Variants in PPP1R35 observed in about 807,000 individuals in gnomAD.
The protein encoded by PPP1R35 is protein phosphatase 1 regulatory subunit 35.
PPP1R35 carries 23 observed loss-of-function variants against 22.2 expected under a neutral mutation model. That is an observed-to-expected ratio of 1.04 (90% CI 0.75 to 1.47). The LOEUF (loss-of-function observed/expected upper bound fraction) is 1.47, where lower values mean the gene tolerates loss of function less well. Among genes scored for constraint, PPP1R35 ranks in the 40% most tolerant of loss-of-function variants. The probability of loss-of-function intolerance (pLI) is 0.00; values close to 1 mark genes in which losing one functional copy is unlikely to be tolerated. For synonymous variants in PPP1R35, 198 were observed against 165.7 expected, an observed-to-expected ratio of 1.19 and a Z score of -1.50; for missense variants, 409 against 349.6, an observed-to-expected ratio of 1.17 and a Z score of -1.36.
rs1798897363 is a variant in PPP1R35, at chr7:100,436,436, A to G, written c.-62T>C. ...TCGCAGACGCTCCAACGGTCAGGGG[A>G]CACAGCCTGGCTGCCGCCTCCTTTC... On this transcript the variant is annotated 5_prime_UTR_variant, in exon 1 of 4. Coordinates refer to ENST00000292330, the MANE Select transcript of PPP1R35 (RefSeq NM_145030.4). 1 of 1,259,696 alleles carries G rather than the reference A, an allele frequency of 7.9e-7. No individual in the cohort carries two copies. The highest frequency in any genetic ancestry group is 1.1e-6 in the Non-Finnish European group (1 of 940,952). The allele number at this position is 1,259,696 out of a possible 1,614,324, so 78.0% of individuals were successfully genotyped here.
Position 100,435,666 on chromosome 7 carries a change from G to GA in PPP1R35, c.552dup (p.Leu185SerfsTer26). The GA allele has an allele frequency of 6.2e-7, 1 of 1,611,416 alleles. No homozygotes were observed. Among genetic ancestry groups the GA allele is most frequent in the Non-Finnish European group, 8.5e-7 (1 of 1,179,356 alleles). ...GGGGCTCGAGCCTGTGGCGGCAGGA[G>GA]AGCCAATTTCTCCCTGAGCGCGGCA... is the stretch of plus-strand genomic sequence containing the variant. On this transcript the variant is annotated frameshift_variant, in exon 3 of 4. Coordinates refer to ENST00000292330, the MANE Select transcript of PPP1R35 (RefSeq NM_145030.4). LOFTEE classifies it high-confidence loss of function.
Position 100,436,224 on chromosome 7 carries a change from C to T in PPP1R35, c.151G>A (p.Asp51Asn), listed in dbSNP as rs771520399. The T allele has an allele frequency of 4.7e-6, 6 of 1,268,282 alleles. No homozygotes were observed. Among genetic ancestry groups the T allele is most frequent in the Middle Eastern group, 2.2e-4 (1 of 4,518 alleles). The allele number at this position is 1,268,282 out of a possible 1,614,324, so 78.6% of individuals were successfully genotyped here. A position where few individuals can be genotyped will look rare whatever the true frequency, so the allele number is the denominator to read the frequency against. Residue 51 changes from aspartate (D) to asparagine (N), a missense_variant, in exon 1 of 4, where the codon GAC (aspartate) becomes AAC (asparagine). Physicochemically the swap from Asp to Asn is conservative, Grantham distance 23 (BLOSUM62 1). Transcript: ENST00000292330. ...CTGCCGTGCCGCGGCTGAGGGCTGT[C>T]GGGCCGCGGGCTCAGGCTCAAGTCC... is the stretch of plus-strand genomic sequence containing the variant. ...GLDLSLSPRPDSPQPRHGSPG... is the reference protein window; with the variant it reads ...GLDLSLSPRPNSPQPRHGSPG...
intron 1 of PPP1R35, 34 bp downstream of exon 1, chr7:100,436,107 C>A: frequency 2.8e-6 from 4 of 1,426,754 alleles, no homozygotes; most frequent in South Asian, 1.4e-5. Context: ...GGCGCGAGGC[C>A]GTCGCGGGCC....
chr7:100,435,885 G>T lies in PPP1R35; in HGVS notation c.414C>A (p.Phe138Leu). The T allele has an allele frequency of 6.3e-7, 1 of 1,599,326 alleles. No homozygotes were observed. Residue 138 changes from phenylalanine to leucine, a missense_variant, in exon 2 of 4, where the codon TTC becomes TTA. By Grantham distance (22) the Phe-to-Leu change is conservative (BLOSUM62 0). Coordinates refer to ENST00000292330, the MANE Select transcript of PPP1R35 (RefSeq NM_145030.4). ...KAVEEQLRKSFQIRCGLEESV... is the reference protein window; with the variant it reads ...KAVEEQLRKSLQIRCGLEESV... Reference sequence around the variant, plus strand: ...TCTCCTCCAGGCCGCAGCGGATCTGGAACGACTTTCTCAGCTGTTCCTCCA... The same window carrying T: ...TCTCCTCCAGGCCGCAGCGGATCTGTAACGACTTTCTCAGCTGTTCCTCCA...
chr7:100,435,989 G>A lies in PPP1R35; in HGVS notation c.310C>T (p.Pro104Ser). The A allele has an allele frequency of 6.4e-7, 1 of 1,563,816 alleles. No homozygotes were observed. The highest frequency in any genetic ancestry group is 8.6e-7 in the Non-Finnish European group (1 of 1,161,102). The change falls in exon 2 of 4, where the codon CCC becomes TCC. Residue 104 changes from proline to serine, a missense_variant. Pro to Ser is a moderately conservative substitution (Grantham distance 74). Transcript: ENST00000292330. ...QPAVPQELEMPVLKSSLALGL... is the reference protein window; with the variant it reads ...QPAVPQELEMSVLKSSLALGL... ...AAGGCCAGGCTGCTCTTCAGCACGG[G>A]CATCTCCAGCTCCTGCGGCACCGCA...
chr7:100,436,391 AG>A lies in PPP1R35; in HGVS notation c.-18del. 6.7e-7 allele frequency: 1 copy of A among 1,491,900 alleles called. No homozygotes were observed. The allele number at this position is 1,491,900 out of a possible 1,614,324, so 92.4% of individuals were successfully genotyped here. On this transcript the variant is annotated 5_prime_UTR_variant, in exon 1 of 4. Coordinates refer to ENST00000292330, the MANE Select transcript of PPP1R35 (RefSeq NM_145030.4). ...CATCATCATCTTTGGAGGTGCCTTG[AG>A]GGTGCGGGGATGCGGGGGTCGCAGA...
Position 100,435,420 on chromosome 7 carries a change from C to A in PPP1R35, c.702G>T (p.Arg234=). 1.2e-6 allele frequency: 2 copies of A among 1,612,528 alleles called. No individual in the cohort carries two copies. The highest frequency in any genetic ancestry group is 1.7e-5 in the Admixed American group (1 of 59,256). Residue 234 remains arginine, a synonymous_variant, in exon 4 of 4, where the codon CGG becomes CGT. Transcript: ENST00000292330. ...DGLPPLRLQL[R]PRPSEDTFLM... ...GGAAGGTGTCCTCTGAAGGGCGGGGCCGGAGTTGAAGTCGGAGAGGGGGCA... is the reference window on the plus strand; with the variant it reads ...GGAAGGTGTCCTCTGAAGGGCGGGGACGGAGTTGAAGTCGGAGAGGGGGCA...
At position 100,436,081 on chromosome 7, in the gene PPP1R35, G is replaced by C. The variant is rs748606746; in HGVS notation, c.235-17C>G. 1.3e-5 allele frequency: 20 copies of C among 1,524,400 alleles called. No individual in the cohort carries two copies. Among genetic ancestry groups the C allele is most frequent in the Non-Finnish European group, 1.8e-5 (20 of 1,142,630 alleles). 94.4% of individuals were successfully genotyped at this position (1,524,400 alleles called of 1,614,324 possible). ...GAAGCGGACCTGGGAGCAGAGGGCA[G>C]GGCAGTGACCAGGTGGGCGCGAGGC... On this transcript the variant is annotated splice_polypyrimidine_tract_variant and intron_variant, in intron 1 of 3. Transcript: ENST00000292330.
In PPP1R35 at chr7:100,435,973, C is replaced by A. The variant is rs752588580; in HGVS notation, c.326G>T (p.Ser109Ile). The A allele has an allele frequency of 1.3e-6, 2 of 1,576,458 alleles. No homozygotes were observed. Among genetic ancestry groups the A allele is most frequent in the South Asian group, 2.3e-5 (2 of 87,736 alleles). The part of the protein sequence containing the change: ...QELEMPVLKS[S>I]LALGLELRAA... ...CCGCAGCTCCAGGCCCAAGGCCAGG[C>A]TGCTCTTCAGCACGGGCATCTCCAG... The change falls in exon 2 of 4, where the codon AGC (serine) becomes ATC (isoleucine). Residue 109 changes from serine to isoleucine, a missense_variant. Ser to Ile is a moderately radical substitution (Grantham distance 142, BLOSUM62 -2). Transcript: ENST00000292330.
At position 100,436,468 on chromosome 7, in the gene PPP1R35, C is replaced by A; in HGVS notation, c.-94G>T. ...CTGGCTGCCGCCTCCTTTCCCCCGC[C>A]CCTCCTAGACGCCGCTACCGGAAAC... On this transcript the variant is annotated 5_prime_UTR_variant, in exon 1 of 4. Coordinates refer to ENST00000292330, the MANE Select transcript of PPP1R35 (RefSeq NM_145030.4). The A allele has an allele frequency of 2.2e-6, 2 of 904,966 alleles. No homozygotes were observed. The highest frequency in any genetic ancestry group is 3.1e-6 in the Non-Finnish European group (2 of 638,216). The allele number at this position is 904,966 out of a possible 1,614,324, so 56.1% of individuals were successfully genotyped here.
At position 100,436,042 on chromosome 7, in the gene PPP1R35, G is replaced by A; in HGVS notation, c.257C>T (p.Pro86Leu). The A allele has an allele frequency of 1.3e-6, 2 of 1,537,120 alleles. No homozygotes were observed. The highest frequency in any genetic ancestry group is 1.7e-6 in the Non-Finnish European group (2 of 1,147,718). ...RRQVRFRLTP[P>L]SPVRSEPQPA... ...CTGCGGCTCGGACCGCACCGGGGAG[G>A]GCGGCGTCAGGCGGAAGCGGACCTG... The change falls in exon 2 of 4, where the codon CCC becomes CTC. Residue 86 changes from proline (P) to leucine (L), a missense_variant. By Grantham distance (98) the Pro-to-Leu change is moderately conservative. Coordinates refer to ENST00000292330, the MANE Select transcript of PPP1R35 (RefSeq NM_145030.4).
chr7:100,435,289 G>A lies in PPP1R35; in HGVS notation c.*71C>T. 6.7e-7 allele frequency: 1 copy of A among 1,495,230 alleles called. No homozygotes were observed. The highest frequency in any genetic ancestry group is 2.3e-5 in the East Asian group (1 of 43,066). The allele number at this position is 1,495,230 out of a possible 1,614,324, so 92.6% of individuals were successfully genotyped here. On this transcript the variant is annotated 3_prime_UTR_variant, in exon 4 of 4. Transcript: ENST00000292330. ...CCTCCAAGAAGAGTCCCATTTATTA[G>A]CAAAATTACTTTATTCTAACAAATA...
In PPP1R35 at chr7:100,435,386, G is replaced by C. The variant is rs756725467; in HGVS notation, c.736C>G (p.Arg246Gly). The change falls in exon 4 of 4, where the codon CGG becomes GGG. Residue 246 changes from arginine to glycine, a missense_variant. Physicochemically the swap from Arg to Gly is moderately radical, Grantham distance 125. Transcript: ENST00000292330. ...TACGCTTCCCATCGCCTCAGTGTCC[G>C]GTGCATGAGGAAGGTGTCCTCTGAA... is the stretch of plus-strand genomic sequence containing the variant. The part of the protein sequence containing the change: ...RPSEDTFLMH[R>G]TLRRWEA 1.2e-6 allele frequency: 2 copies of C among 1,606,608 alleles called. No homozygotes were observed. The highest frequency in any genetic ancestry group is 1.1e-5 in the South Asian group (1 of 90,342).
rs1798874124 is a variant in PPP1R35 at position 100,436,011 on chromosome 7, C to T, written c.288G>A (p.Ala96=). 6.4e-7 allele frequency: 1 copy of T among 1,551,126 alleles called. No individual in the cohort carries two copies. Among genetic ancestry groups the T allele is most frequent in the Non-Finnish European group, 8.7e-7 (1 of 1,154,572 alleles). The change falls in exon 2 of 4, where the codon GCG becomes GCA. Residue 96 remains alanine, a synonymous_variant. Transcript: ENST00000292330. ...CGGGCATCTCCAGCTCCTGCGGCAC[C>T]GCAGGCTGCGGCTCGGACCGCACCG... The part of the protein sequence containing the change: ...PSPVRSEPQP[A]VPQELEMPVL...
In PPP1R35 at chr7:100,435,442, G is replaced by A. The variant is rs1798843171; in HGVS notation, c.680C>T (p.Pro227Leu). Residue 227 changes from proline (P) to leucine (L), a missense_variant, in exon 4 of 4, where the codon CCC (proline) becomes CTC (leucine). Physicochemically the swap from Pro to Leu is moderately conservative, Grantham distance 98 (BLOSUM62 -3). Coordinates refer to ENST00000292330, the MANE Select transcript of PPP1R35 (RefSeq NM_145030.4). The stretch of plus-strand genomic sequence containing the variant: ...GGGCCGGAGTTGAAGTCGGAGAGGG[G>A]GCAGACCGTCCAGGGTCAGGTGTGG... ...ESPHLTLDGL[P>L]PLRLQLRPRP... 2 of 1,613,376 alleles carry A rather than the reference G, an allele frequency of 1.2e-6. No individual in the cohort carries two copies. The highest frequency in any genetic ancestry group is 1.3e-5 in the African/African-American group (1 of 74,976).
Position 100,435,828 on chromosome 7 carries a change from C to A in PPP1R35, c.451+20G>T. ...CCTCACCCCGACTCCCGCACGCGGC[C>A]GGCCGCCCGCCCCCCTCACCCTCGG... On this transcript the variant is annotated intron_variant, in intron 2 of 3. Coordinates refer to ENST00000292330, the MANE Select transcript of PPP1R35 (RefSeq NM_145030.4). 1 of 1,575,718 alleles carries A rather than the reference C, an allele frequency of 6.3e-7. No individual in the cohort carries two copies. Among genetic ancestry groups the A allele is most frequent in the South Asian group, 1.1e-5 (1 of 88,040 alleles).
rs775414262 is a variant in PPP1R35 at position 100,436,225 on chromosome 7, G to A, written c.150C>T (p.Pro50=). 92 of 1,269,940 alleles carry A rather than the reference G, an allele frequency of 7.2e-5. No individual in the cohort carries two copies. The African/African-American group carries it at 1.1e-3, about 15-fold the overall frequency. The allele number at this position is 1,269,940 out of a possible 1,614,324, so 78.7% of individuals were successfully genotyped here. ...TGCCGTGCCGCGGCTGAGGGCTGTC[G>A]GGCCGCGGGCTCAGGCTCAAGTCCA... ...PGLDLSLSPR[P]DSPQPRHGSP... The change falls in exon 1 of 4, where the codon CCC becomes CCT. Residue 50 remains proline (P), a synonymous_variant. Coordinates refer to ENST00000292330, the MANE Select transcript of PPP1R35 (RefSeq NM_145030.4).
At position 100,435,380 on chromosome 7, in the gene PPP1R35, G is replaced by C; in HGVS notation, c.742C>G (p.Leu248Val). 1 of 1,604,428 alleles carries C rather than the reference G, an allele frequency of 6.2e-7. No homozygotes were observed. The highest frequency in any genetic ancestry group is 1.1e-5 in the South Asian group (1 of 89,998). Residue 248 changes from leucine to valine, a missense_variant, in exon 4 of 4, where the codon CTG becomes GTG. Coordinates refer to ENST00000292330, the MANE Select transcript of PPP1R35 (RefSeq NM_145030.4). ...SEDTFLMHRT[L>V]RRWEA The stretch of plus-strand genomic sequence containing the variant: ...GGGGTCTACGCTTCCCATCGCCTCA[G>C]TGTCCGGTGCATGAGGAAGGTGTCC...
chr7:100,435,728 A>C lies in PPP1R35; in HGVS notation c.491T>G (p.Leu164Arg). The change falls in exon 3 of 4, where the codon CTG becomes CGG. Residue 164 changes from leucine (L) to arginine (R), a missense_variant. Transcript: ENST00000292330. ...VPRSKRLFRD[L>R]VSLQVPEEQV... ...TTCCTCCGGCACCTGCAGGCTCACC[A>C]GGTCCCGGAAGAGCCGCTTGGAGCG... is the stretch of plus-strand genomic sequence containing the variant. The C allele has an allele frequency of 6.2e-7, 1 of 1,602,340 alleles. No homozygotes were observed.
Sources: allele counts gnomAD v4.1 joint callset, GRCh38; gene constraint gnomAD v4.1.1; transcripts MANE v1.5; gene names NCBI Gene and HGNC (gene_info 2026-07-23, HGNC 2026-07-21).